CTDSPL: variants seen among roughly 807,000 people sequenced by gnomAD.
CTDSPL encodes the protein CTD small phosphatase like, also known as CTD small phosphatase-like protein.
Under a neutral mutation model 30.5 loss-of-function variants are expected in CTDSPL, and 8 were observed. The observed-to-expected ratio is 0.26, with a 90% CI of 0.15 to 0.47. The LOEUF (loss-of-function observed/expected upper bound fraction) is 0.47, where lower values mean the gene tolerates loss of function less well. Among genes scored for constraint, CTDSPL ranks in the 20% least tolerant of loss-of-function variants. The probability of loss-of-function intolerance (pLI) is 0.99; values close to 1 mark genes in which losing one functional copy is unlikely to be tolerated. For synonymous variants in CTDSPL, 110 were observed against 137.9 expected (o/e 0.80, Z 1.42); for missense variants, 248 against 366.1 (o/e 0.68, Z 2.63).
intron 1 of CTDSPL, among the ~76,000 whole-genome samples, chr3:37,928,902 T>C (rs1269553579): frequency 6.6e-6 from 1 of 152,238 alleles, no homozygotes; most frequent in Non-Finnish European, 1.5e-5. Context: ...CTGGGCTTTT[T>C]ATAGTTTCAG....
chr3:37,894,304 G>A (rs985078384), intron 1 of CTDSPL, among the ~76,000 whole-genome samples: 2 of 150,962 alleles, frequency 1.3e-5, no homozygotes, highest in African/African-American at 2.4e-5. Flanking sequence ...CTAGAGTCTC[G>A]CTATATTGCC....
chr3:37,881,779 A>G (rs1698207545), intron 1 of CTDSPL, among the ~76,000 whole-genome samples: 1 of 152,208 alleles, frequency 6.6e-6, no homozygotes, highest in African/African-American at 2.4e-5. Context: ...ACTGAAAAAA[A>G]AAATGTTTAC....
rs1479300590 is a variant in CTDSPL at position 37,911,806 on chromosome 3, C to G, written c.80-35251C>G. ...AGGCGCGGTGGTTCACGCCTATAAT[C>G]CCAGCACTTTGGGAGGCCAAGGTGG... On this transcript the variant is annotated intron_variant, in intron 1 of 7. Transcript: ENST00000273179. 3 of 438,538 alleles carry G rather than the reference C, an allele frequency of 6.8e-6. No homozygotes were observed. In the East Asian group the frequency reaches 2.2e-4, roughly 32 times the overall value. 27.2% of individuals were successfully genotyped at this position (438,538 alleles called of 1,614,324 possible). A position where few individuals can be genotyped will look rare whatever the true frequency, so the allele number is the denominator to read the frequency against.
intron 1 of CTDSPL, among the ~76,000 whole-genome samples, chr3:37,885,947 CG>C (rs1245896560): frequency 1.3e-5 from 2 of 152,174 alleles, no homozygotes; most frequent in Non-Finnish European, 2.9e-5. Context: ...ACAAAAGAAG[CG>C]TAAGAACTAC....
At chr3:37,930,502 T>G (rs1487965906) in intron 1 of CTDSPL, among the ~76,000 whole-genome samples, 1 of 152,120 alleles carries the variant, frequency 6.6e-6, no homozygotes, top group African/African-American at 2.4e-5. Flanking sequence ...TGAGATGAGG[T>G]CTTGCTGTGT....
chr3:37,876,166 C>A (rs537264291), intron 1 of CTDSPL, among the ~76,000 whole-genome samples: 1 of 152,098 alleles, frequency 6.6e-6, no homozygotes, highest in African/African-American at 2.4e-5. Flanking sequence ...ATTGCTTGAG[C>A]CTGGGAGGTG....
chr3:37,870,899 A>G (rs566700786), intron 1 of CTDSPL, among the ~76,000 whole-genome samples: 1 of 152,282 alleles, frequency 6.6e-6, no homozygotes, highest in African/African-American at 2.4e-5. Flanking sequence ...TCCCCATACT[A>G]TCAACATCCC....
At chr3:37,921,607 C>CCACACACACACACACACA (rs58395906) in intron 1 of CTDSPL, among the ~76,000 whole-genome samples, 1 of 147,638 alleles carries the variant, frequency 6.8e-6, no homozygotes, top group Middle Eastern at 3.2e-3. Context: ...ACCCTAACTA[C>CCACACACACACACACACA]CACACACACA....
At chr3:37,928,172 A>G (rs1169998774) in intron 1 of CTDSPL, among the ~76,000 whole-genome samples, 1 of 152,182 alleles carries the variant, frequency 6.6e-6, no homozygotes, top group Non-Finnish European at 1.5e-5. Flanking sequence ...TTTATTGTAA[A>G]TAGTGCTGCA....
At chr3:37,876,931 C>A (rs534328046) in intron 1 of CTDSPL, among the ~76,000 whole-genome samples, 35 of 151,858 alleles carry the variant, frequency 2.3e-4, no homozygotes, top group Admixed American at 1.1e-3. Flanking sequence ...CATGGTGAAA[C>A]CCCGTCTCTA....
intron 6 of CTDSPL, among the ~76,000 whole-genome samples, chr3:37,974,626 C>A (rs1411568527): frequency 6.6e-6 from 1 of 152,190 alleles, no homozygotes; most frequent in Non-Finnish European, 1.5e-5. Flanking sequence ...CCCTTTATTT[C>A]TTTCTCCAAG....
chr3:37,930,638 C>T (rs1414810767), intron 1 of CTDSPL, among the ~76,000 whole-genome samples: 2 of 152,074 alleles, frequency 1.3e-5, no homozygotes, highest in Non-Finnish European at 2.9e-5. Flanking sequence ...TTCTTAAAGA[C>T]TTGTATTGTG....
chr3:37,941,211 C>A (rs1292449171), intron 1 of CTDSPL, among the ~76,000 whole-genome samples: 3 of 149,964 alleles, frequency 2.0e-5, no homozygotes, highest in Non-Finnish European at 4.5e-5. Flanking sequence ...GGACCATGCC[C>A]CACATCTCCA....
At position 37,947,077 on chromosome 3, in the gene CTDSPL, T is replaced by G. The variant is rs1699047652; in HGVS notation, c.100T>G (p.Leu34Val). Residue 34 changes from leucine to valine, a missense_variant, in exon 2 of 8, where the codon TTA (leucine) becomes GTA (valine). Transcript: ENST00000273179. ...TCCAGCCTCCCAGTGCAACGTCAGC[T>G]TAAAGAAGCAGAGGAGCCGCAGCAT... ...GEKASQCNVS[L>V]KKQRSRSILS... 6.2e-7 allele frequency: 1 copy of G among 1,613,746 alleles called. No homozygotes were observed. Among genetic ancestry groups the G allele is most frequent in the South Asian group, 1.1e-5 (1 of 91,062 alleles).
chr3:37,871,724 CCTT>C (rs1166047450), intron 1 of CTDSPL, among the ~76,000 whole-genome samples: 7 of 152,124 alleles, frequency 4.6e-5, no homozygotes, highest in Non-Finnish European at 1.0e-4. Context: ...TTTCTCTTCT[CCTT>C]CTGAGACTAT....
At chr3:37,959,324 C>T (rs1044299200) in intron 3 of CTDSPL, among the ~76,000 whole-genome samples, 4 of 152,142 alleles carry the variant, frequency 2.6e-5, no homozygotes, top group African/African-American at 9.7e-5. Context: ...TAAATATTGA[C>T]GGATTTGGGA....
At chr3:37,964,741 A>G (rs1489668923) in intron 4 of CTDSPL, 69 bp downstream of exon 4, 1 of 1,243,858 alleles carries the variant, frequency 8.0e-7, no homozygotes, top group African/African-American at 1.5e-5. Flanking sequence ...AAAAGGGAAA[A>G]CAAAAAGGAT....
At chr3:37,909,323 A>G (rs1477878940) in intron 1 of CTDSPL, among the ~76,000 whole-genome samples, 1 of 152,204 alleles carries the variant, frequency 6.6e-6, no homozygotes, top group Non-Finnish European at 1.5e-5. Context: ...TGGGACTGGG[A>G]TCATGAACAA....
At chr3:37,874,232 C>T (rs1263904680) in intron 1 of CTDSPL, among the ~76,000 whole-genome samples, 1 of 152,182 alleles carries the variant, frequency 6.6e-6, no homozygotes, top group Non-Finnish European at 1.5e-5. Flanking sequence ...GGGAAGAACC[C>T]CGTTTGGCAT....
Sources: gnomAD v4.1 joint callset for allele counts (sites outside exome capture counted in the v4.1 genomes callset) on GRCh38, gnomAD v4.1.1 for gene constraint, MANE v1.5 for transcripts, NCBI Gene and HGNC (gene_info 2026-07-23, HGNC 2026-07-21) for gene names.